UBE2E3: variants seen among roughly 807,000 people sequenced by gnomAD.
The protein encoded by UBE2E3 is ubiquitin conjugating enzyme E2 E3, also known as ubiquitin-conjugating enzyme E2 E3.
UBE2E3 carries 5 observed loss-of-function variants against 23.6 expected under a neutral mutation model. The observed-to-expected ratio is 0.21, with a 90% CI of 0.11 to 0.44. UBE2E3 has a LOEUF of 0.44. Among genes scored for constraint, UBE2E3 ranks in the 20% least tolerant of loss-of-function variants. UBE2E3 has a pLI of 0.99. For synonymous variants in UBE2E3, 78 were observed against 87.5 expected, an observed-to-expected ratio of 0.89 and a Z score of 0.60; for missense variants, 81 against 249.8, an observed-to-expected ratio of 0.32 and a Z score of 4.55.
intron 3 of UBE2E3, among the ~76,000 whole-genome samples, chr2:180,996,400 A>G (rs1193488652): frequency 6.6e-6 from 1 of 152,202 alleles, no homozygotes; most frequent in Non-Finnish European, 1.5e-5. Context: ...CTGAGGGGGT[A>G]GTTTAAGGTA....
chr2:181,058,751 G>T (rs1293981240), intron 4 of UBE2E3, among the ~76,000 whole-genome samples: 2 of 151,624 alleles, frequency 1.3e-5, no homozygotes, highest in African/African-American at 4.8e-5. Context: ...CACATAAACG[G>T]ATTTATTTTG....
chr2:181,001,352 TA>T (rs770712953), intron 3 of UBE2E3, among the ~76,000 whole-genome samples: 7 of 152,096 alleles, frequency 4.6e-5, no homozygotes, highest in South Asian at 2.1e-4. Context: ...ATTTCGAAAG[TA>T]GAATTTTCGA....
At chr2:180,992,080 C>G (rs907337497) in intron 3 of UBE2E3, among the ~76,000 whole-genome samples, 1 of 152,022 alleles carries the variant, frequency 6.6e-6, no homozygotes, top group South Asian at 2.1e-4. Flanking sequence ...TCTTTTTTAC[C>G]TGTTTCCTAA....
At chr2:180,987,431 A>G (rs956494540) in intron 3 of UBE2E3, 10 of 1,547,590 alleles carry the variant, frequency 6.5e-6, no homozygotes, top group African/African-American at 1.4e-5. Context: ...ATTTCTTTCC[A>G]TATAGGAAGA....
chr2:181,016,310 G>C (rs997181848), intron 3 of UBE2E3, among the ~76,000 whole-genome samples: 2 of 151,752 alleles, frequency 1.3e-5, no homozygotes, highest in Non-Finnish European at 2.9e-5. Flanking sequence ...GATCTCCTGG[G>C]TTCAAGCGAT....
At chr2:181,041,283 G>A (rs891034310) in intron 3 of UBE2E3, among the ~76,000 whole-genome samples, 5 of 144,238 alleles carry the variant, frequency 3.5e-5, no homozygotes, top group African/African-American at 1.3e-4. Context: ...CATATAGAGT[G>A]TCAAATAGCG....
Position 180,984,030 on chromosome 2 carries a change from A to G in UBE2E3, c.195-13A>G, listed in dbSNP as rs1397699293. ...TATCAAATCCTTTTTGTCTCTTCTC[A>G]TTTCACTAACAGAATTCAGAAGGAG... On this transcript the variant is annotated splice_polypyrimidine_tract_variant and intron_variant, in intron 2 of 5. Coordinates refer to ENST00000410062, the MANE Select transcript of UBE2E3 (RefSeq NM_006357.4). The G allele has an allele frequency of 1.2e-6, 2 of 1,608,730 alleles. No homozygotes were observed. Among genetic ancestry groups the G allele is most frequent in the East Asian group, 2.2e-5 (1 of 44,820 alleles).
Position 181,039,286 on chromosome 2 carries a change from T to G in UBE2E3, c.246-18407T>G, listed in dbSNP as rs62181568. ...GTTTATTTCAAAATGGTGAATAAAT[T>G]TTATAAATAAATTTATACTTCAAAG... On this transcript the variant is annotated intron_variant, in intron 3 of 5. Transcript: ENST00000410062. Among the ~76,000 whole-genome samples the G allele has an allele frequency of 4.6e-5, 7 of 151,752 alleles. No homozygotes were observed. The South Asian group carries it at 1.2e-3, about 27-fold the overall frequency.
chr2:181,034,989 A>G (rs10930949), intron 3 of UBE2E3, among the ~76,000 whole-genome samples: 61,174 of 152,018 alleles, frequency 0.4, 12,815 homozygotes, highest in East Asian at 0.58. Flanking sequence ...AAAGACAACT[A>G]ATATTTTAGG....
At chr2:181,059,544 A>T (rs1687076695) in intron 4 of UBE2E3, among the ~76,000 whole-genome samples, 1 of 151,774 alleles carries the variant, frequency 6.6e-6, no homozygotes, top group Non-Finnish European at 1.5e-5. Flanking sequence ...CATATTAAAA[A>T]TATTGTCATT....
At chr2:181,017,387 A>T (rs1574185921) in intron 3 of UBE2E3, among the ~76,000 whole-genome samples, 1 of 152,030 alleles carries the variant, frequency 6.6e-6, no homozygotes, top group Admixed American at 6.5e-5. Flanking sequence ...TGAGGTTGGG[A>T]TGGTAATTTT....
intron 3 of UBE2E3, among the ~76,000 whole-genome samples, chr2:181,000,122 A>G (rs146431461): frequency 4.2e-4 from 64 of 152,306 alleles, no homozygotes; most frequent in African/African-American, 1.4e-3. Flanking sequence ...TTCTAGATGT[A>G]TTAGATACAT....
intron 3 of UBE2E3, among the ~76,000 whole-genome samples, chr2:181,030,014 A>C (rs2105644194): frequency 6.6e-6 from 1 of 151,816 alleles, no homozygotes; most frequent in African/African-American, 2.4e-5. Flanking sequence ...TTGTATTTTT[A>C]GTAGAGACCA....
chr2:181,059,659 C>T (rs1687081085), intron 4 of UBE2E3, among the ~76,000 whole-genome samples: 1 of 151,620 alleles, frequency 6.6e-6, no homozygotes, highest in Non-Finnish European at 1.5e-5. Context: ...TCTAGTTCGT[C>T]TCAATTCACC....
chr2:181,060,861 C>CTT (rs71029902), intron 5 of UBE2E3, 49 bp downstream of exon 5: 96 of 249,092 alleles, frequency 3.9e-4, no homozygotes, highest in Middle Eastern at 1.1e-3. Context: ...AAAACGAGTG[C>CTT]TTTTTTTTTT....
Position 180,987,849 on chromosome 2 carries a change from G to A in UBE2E3, c.245+3756G>A, listed in dbSNP as rs146256005. Among the ~76,000 whole-genome samples the A allele has an allele frequency of 2.7e-3, 418 of 152,124 alleles. 3 individuals are homozygous for A. The highest frequency in any genetic ancestry group is 9.7e-3 in the African/African-American group (404 of 41,506). The stretch of plus-strand genomic sequence containing the variant: ...TGAGCTGCTGACTGTCAGCATCTGC[G>A]TCACAGATGAGGTTGTTAGAAATGC... On this transcript the variant is annotated intron_variant, in intron 3 of 5. Coordinates refer to ENST00000410062, the MANE Select transcript of UBE2E3 (RefSeq NM_006357.4).
At chr2:181,035,630 G>A (rs935749056) in intron 3 of UBE2E3, among the ~76,000 whole-genome samples, 2 of 152,110 alleles carry the variant, frequency 1.3e-5, no homozygotes, top group African/African-American at 4.8e-5. Flanking sequence ...GTCCCAGGAC[G>A]TTTTTCTAGC....
chr2:181,032,784 A>G (rs986621039), intron 3 of UBE2E3, among the ~76,000 whole-genome samples: 3 of 151,952 alleles, frequency 2.0e-5, no homozygotes, highest in African/African-American at 7.2e-5. Context: ...GGATTATCAA[A>G]CACTGTCTCA....
At chr2:180,984,932 A>G (rs1236529581) in intron 3 of UBE2E3, among the ~76,000 whole-genome samples, 2 of 152,098 alleles carry the variant, frequency 1.3e-5, no homozygotes, top group East Asian at 1.9e-4. Flanking sequence ...GTGAAGAGAT[A>G]TGTGCTCAAT....
Sources: allele counts gnomAD v4.1 joint callset (sites outside exome capture counted in the v4.1 genomes callset), GRCh38; gene constraint gnomAD v4.1.1; transcripts MANE v1.5; gene names NCBI Gene and HGNC (gene_info 2026-07-23, HGNC 2026-07-21).